SAE1: variants seen among roughly 807,000 people sequenced by gnomAD.
SAE1 encodes the protein SUMO1 activating enzyme subunit 1.
In SAE1, 11 loss-of-function variants were observed where a neutral mutation model predicts 40.6. That is an observed-to-expected ratio of 0.27 (90% CI 0.17 to 0.45). The LOEUF is 0.45. SAE1 is among the 20% of genes least tolerant of loss of function. The pLI, the probability that SAE1 is intolerant of heterozygous loss-of-function variation, is 1.00. For missense variants in SAE1, 373 were observed against 427.3 expected, an observed-to-expected ratio of 0.87 and a Z score of 1.12; for synonymous variants, 155 against 154.3, an observed-to-expected ratio of 1.00 and a Z score of -0.03.
At chr19:47,147,381 A>G (rs2058261115) in intron 2 of SAE1, among the ~76,000 whole-genome samples, 1 of 148,156 alleles carries the variant, frequency 6.7e-6, no homozygotes, top group Non-Finnish European at 1.5e-5. Context: ...AATTTTTTGT[A>G]TTTTTTGTAG....
chr19:47,191,851 C>T (rs962327102), intron 6 of SAE1, among the ~76,000 whole-genome samples: 3 of 151,888 alleles, frequency 2.0e-5, no homozygotes, highest in African/African-American at 7.3e-5. Flanking sequence ...GTCAGGAGAT[C>T]GAGACCATCC....
At chr19:47,191,850 T>C (rs1219648241) in intron 6 of SAE1, among the ~76,000 whole-genome samples, 1 of 151,932 alleles carries the variant, frequency 6.6e-6, no homozygotes, top group Non-Finnish European at 1.5e-5. Context: ...GGTCAGGAGA[T>C]CGAGACCATC....
At chr19:47,159,469 CATA>C (rs1230064110) in intron 5 of SAE1, among the ~76,000 whole-genome samples, 1 of 152,070 alleles carries the variant, frequency 6.6e-6, no homozygotes, top group Non-Finnish European at 1.5e-5. Flanking sequence ...GTAGCACAGT[CATA>C]TCCACGGAAT....
At chr19:47,184,794 TTTG>T (rs925044167) in intron 6 of SAE1, among the ~76,000 whole-genome samples, 2 of 142,622 alleles carry the variant, frequency 1.4e-5, no homozygotes, top group Non-Finnish European at 3.0e-5. Flanking sequence ...TTGTTTTTGT[TTTG>T]TTTTTGTTTT....
chr19:47,161,103 G>A (rs1322059805), intron 5 of SAE1, among the ~76,000 whole-genome samples: 1 of 152,002 alleles, frequency 6.6e-6, no homozygotes, highest in Non-Finnish European at 1.5e-5. Context: ...CTGGGCTAAA[G>A]GGATCCTCCC....
intron 1 of SAE1, among the ~76,000 whole-genome samples, chr19:47,139,497 T>C (rs2058204158): frequency 1.3e-5 from 2 of 152,094 alleles, no homozygotes; most frequent in Admixed American, 1.3e-4. Flanking sequence ...GCTGTAGTTT[T>C]GTCGGAGAGA....
intron 6 of SAE1, among the ~76,000 whole-genome samples, chr19:47,189,469 T>C (rs2058565607): frequency 6.6e-6 from 1 of 152,036 alleles, no homozygotes; most frequent in Admixed American, 6.5e-5. Flanking sequence ...GCTGAGGCAG[T>C]AGAATCGCTT....
At chr19:47,180,531 T>G (rs1056012700) in intron 6 of SAE1, among the ~76,000 whole-genome samples, 2 of 151,864 alleles carry the variant, frequency 1.3e-5, no homozygotes, top group Admixed American at 6.6e-5. Flanking sequence ...AGATGTTTCC[T>G]TATCAGATGC....
chr19:47,171,150 T>A (rs527373884), intron 6 of SAE1, among the ~76,000 whole-genome samples: 1 of 151,220 alleles, frequency 6.6e-6, no homozygotes, highest in Non-Finnish European at 1.5e-5. Context: ...AATTTTTATA[T>A]TTTTAGTAGA....
intron 1 of SAE1, chr19:47,135,523 T>C (rs78976141): frequency 6.6e-6 from 1 of 152,184 alleles, no homozygotes; most frequent in Non-Finnish European, 1.5e-5. Flanking sequence ...CCCTTTTTTT[T>C]GTAGACAGGG....
intron 1 of SAE1, among the ~76,000 whole-genome samples, chr19:47,132,332 T>C (rs2058150019): frequency 6.6e-6 from 1 of 150,442 alleles, no homozygotes; most frequent in Admixed American, 6.7e-5. Flanking sequence ...CACTGTAGCC[T>C]CAACCTCCAA....
chr19:47,201,394 CAG>C, intron 7 of SAE1, among the ~76,000 whole-genome samples: 1 of 53,066 alleles, frequency 1.9e-5, no homozygotes, highest in South Asian at 6.0e-4. Flanking sequence ...TTTTTTGAAT[CAG>C]AGTCTTGCTG....
chr19:47,133,210 CATG>C (rs2058158049), intron 1 of SAE1, among the ~76,000 whole-genome samples: 1 of 152,150 alleles, frequency 6.6e-6, no homozygotes, highest in Non-Finnish European at 1.5e-5. Flanking sequence ...GTGGGAGTAA[CATG>C]ATCTGTTTTT....
Position 47,206,031 on chromosome 19 carries a change from C to T in SAE1, c.948+2291C>T, listed in dbSNP as rs928737972. 4.6e-5 allele frequency among the ~76,000 whole-genome samples: 7 copies of T among 152,294 alleles called. 1 individual carries two copies. The South Asian group carries it at 1.5e-3, about 32-fold the overall frequency. ...CTTCTGCACATCCCATTGAGGGGCT[C>T]CCCCTAAATTTTTCATGTGGGATGG... On this transcript the variant is annotated intron_variant, in intron 8 of 8. Transcript: ENST00000270225.
At chr19:47,196,531 T>C (rs1328663288) in intron 6 of SAE1, among the ~76,000 whole-genome samples, 3 of 149,392 alleles carry the variant, frequency 2.0e-5, no homozygotes, top group Non-Finnish European at 4.4e-5. Flanking sequence ...ACCTGGCTAA[T>C]TTTTGTATTT....
In SAE1 at chr19:47,143,548, T is replaced by C. The variant is rs2058235955; in HGVS notation, c.153T>C (p.Ile51=). Residue 51 remains isoleucine, a synonymous_variant, in exon 2 of 9, where the codon ATT becomes ATC. Transcript: ENST00000270225. ...GCTTGAAAGGACTTGGGGCTGAAAT[T>C]GCCAAGAATCTCATCTTGGCAGGAG... is the stretch of plus-strand genomic sequence containing the variant. The part of the protein sequence containing the change: ...LVGLKGLGAE[I]AKNLILAGVK... The C allele has an allele frequency of 2.5e-6, 4 of 1,614,178 alleles. No individual in the cohort carries two copies. Among genetic ancestry groups the C allele is most frequent in the Non-Finnish European group, 3.4e-6 (4 of 1,180,022 alleles).
At chr19:47,148,128 C>T (rs1376136508) in intron 2 of SAE1, among the ~76,000 whole-genome samples, 1 of 152,044 alleles carries the variant, frequency 6.6e-6, no homozygotes, top group Non-Finnish European at 1.5e-5. Context: ...GAGGTTCACA[C>T]AGTTGTTGAG....
intron 5 of SAE1, among the ~76,000 whole-genome samples, chr19:47,158,038 T>C (rs1000526396): frequency 6.6e-6 from 1 of 151,684 alleles, no homozygotes; most frequent in East Asian, 1.9e-4. Flanking sequence ...TGCTGCCCTT[T>C]TGCCTAATTG....
At chr19:47,197,101 A>G (rs2058620883) in intron 6 of SAE1, 132 bp from the exon 7 acceptor site, 5 of 823,586 alleles carry the variant, frequency 6.1e-6, no homozygotes, top group Non-Finnish European at 9.2e-6. Context: ...GAATCACTTG[A>G]ACCCGGGAGG....
Sources: gnomAD v4.1 joint callset for allele counts (sites outside exome capture counted in the v4.1 genomes callset) on GRCh38, gnomAD v4.1.1 for gene constraint, MANE v1.5 for transcripts, NCBI Gene and HGNC (gene_info 2026-07-23, HGNC 2026-07-21) for gene names.